The following EVA1C variants were observed in gnomAD, a reference collection of about 807,000 sequenced individuals.
EVA1C encodes the protein protein eva-1 homolog C.
Under a neutral mutation model 45.4 loss-of-function variants are expected in EVA1C, and 25 were observed. The ratio of observed to expected loss-of-function variants is 0.55; its 90% CI spans 0.40 to 0.77. EVA1C has a LOEUF of 0.77. EVA1C is among the 30% of genes least tolerant of loss of function. The pLI, the probability that EVA1C is intolerant of heterozygous loss-of-function variation, is 0.00. For missense variants in EVA1C, 479 were observed against 554.8 expected (o/e 0.86, Z 1.37); for synonymous variants, 190 against 221.2 (o/e 0.86, Z 1.25).
intron 7 of EVA1C, among the ~76,000 whole-genome samples, chr21:32,505,768 G>A (rs1444015705): frequency 6.6e-6 from 1 of 152,190 alleles, no homozygotes; most frequent in Non-Finnish European, 1.5e-5. Flanking sequence ...GACAGAGACA[G>A]AGACATCTCT....
intron 2 of EVA1C, among the ~76,000 whole-genome samples, chr21:32,455,865 G>A (rs1250095410): frequency 6.6e-6 from 1 of 152,084 alleles, no homozygotes; most frequent in Non-Finnish European, 1.5e-5. Context: ...TTCAACCAGA[G>A]GTCAAGAAGT....
At chr21:32,489,379 G>A (rs2037080365) in intron 4 of EVA1C, among the ~76,000 whole-genome samples, 1 of 152,068 alleles carries the variant, frequency 6.6e-6, no homozygotes, top group African/African-American at 2.4e-5. Context: ...ATGTCTTCTT[G>A]GCCCCCTTGT....
chr21:32,473,760 C>T (rs914910542), intron 4 of EVA1C, among the ~76,000 whole-genome samples: 1 of 152,162 alleles, frequency 6.6e-6, no homozygotes, highest in African/African-American at 2.4e-5. Context: ...TGCAGTGATG[C>T]ACCAAGTGCA....
At position 32,412,953 on chromosome 21, in the gene EVA1C, C is replaced by T. The variant is rs1448098602; in HGVS notation, c.100C>T (p.Leu34Phe). The T allele has an allele frequency of 1.9e-6, 3 of 1,559,758 alleles. No individual in the cohort carries two copies. Among genetic ancestry groups the T allele is most frequent in the African/African-American group, 1.4e-5 (1 of 71,008 alleles). The change falls in exon 1 of 8, where the codon CTC (leucine) becomes TTC (phenylalanine). Residue 34 changes from leucine (L) to phenylalanine (F), a missense_variant. Physicochemically the swap from Leu to Phe is conservative, Grantham distance 22 (BLOSUM62 0). Around this residue, in one of 3 missense-constraint regions of EVA1C, gnomAD observed 80 missense variants for 63.8 expected, o/e 1.25. Transcript: ENST00000300255. ...AGAGCCGCCGGGGCAGCTCCTGCGC[C>T]TCTTCTACTGCACTGTCCTGGTCTG... ...QVEPPGQLLR[L>F]FYCTVLVCSK...
At chr21:32,491,254 G>C (rs2037143263) in intron 4 of EVA1C, among the ~76,000 whole-genome samples, 1 of 152,158 alleles carries the variant, frequency 6.6e-6, no homozygotes. Context: ...CACAGGCTGG[G>C]GTGGGAGAAT....
chr21:32,423,407 A>G (rs998721926), intron 1 of EVA1C, among the ~76,000 whole-genome samples: 1 of 152,134 alleles, frequency 6.6e-6, no homozygotes, highest in Admixed American at 6.6e-5. Context: ...ATGCTGTGCT[A>G]GATATGGTAC....
In EVA1C at chr21:32,495,812, A is replaced by T. The variant is rs78224937; in HGVS notation, c.778+642A>T. Reference sequence around the variant, plus strand: ...TTATTATTTTCTGAGGATACTGTGGATTTCCAGTGTGTAATCCTAATGTGT... The same window carrying T: ...TTATTATTTTCTGAGGATACTGTGGTTTTCCAGTGTGTAATCCTAATGTGT... On this transcript the variant is annotated intron_variant, in intron 5 of 7. Transcript: ENST00000300255. Among the ~76,000 whole-genome samples the T allele has an allele frequency of 7.7e-3, 1,176 of 152,318 alleles. 14 individuals carry two copies. The highest frequency in any genetic ancestry group is 0.027 in the African/African-American group (1,134 of 41,570).
intron 1 of EVA1C, among the ~76,000 whole-genome samples, chr21:32,448,273 G>A (rs1198271937): frequency 6.6e-6 from 1 of 152,190 alleles, no homozygotes. Flanking sequence ...AAGGCATTCC[G>A]CACCCGCTTG....
intron 4 of EVA1C, chr21:32,493,830 T>C (rs1285367462): frequency 6.6e-6 from 1 of 151,746 alleles, no homozygotes; most frequent in East Asian, 1.9e-4. Flanking sequence ...GACGCAGTCT[T>C]GCTTGGTCGC....
chr21:32,466,867 C>T (rs971471808), intron 3 of EVA1C, among the ~76,000 whole-genome samples: 1 of 151,442 alleles, frequency 6.6e-6, no homozygotes, highest in Non-Finnish European at 1.5e-5. Context: ...TGCTATGTTT[C>T]CCAGGCTGGT....
chr21:32,425,015 A>G (rs1436125923), intron 1 of EVA1C, among the ~76,000 whole-genome samples: 1 of 151,888 alleles, frequency 6.6e-6, no homozygotes, highest in African/African-American at 2.4e-5. Context: ...GCTAATTTTT[A>G]AAAGTATTTT....
intron 4 of EVA1C, among the ~76,000 whole-genome samples, chr21:32,475,878 TTTATCTATCTATC>T (rs1255266338): frequency 0.016 from 2,441 of 148,080 alleles, 38 homozygotes; most frequent in Admixed American, 0.04. Flanking sequence ...TTCTAAAAAC[TTTATCTATCTATC>T]TATCTATCTA....
intron 1 of EVA1C, among the ~76,000 whole-genome samples, chr21:32,434,374 G>A (rs1431935763): frequency 6.6e-6 from 1 of 151,010 alleles, no homozygotes; most frequent in South Asian, 2.1e-4. Flanking sequence ...GGCGGATCAC[G>A]AGGTCAGGAG....
chr21:32,437,974 G>A (rs1367268412), intron 1 of EVA1C, among the ~76,000 whole-genome samples: 1 of 152,116 alleles, frequency 6.6e-6, no homozygotes, highest in African/African-American at 2.4e-5. Context: ...ACACCGCACG[G>A]CCCCCGGTCT....
chr21:32,482,479 A>C (rs752480738), intron 4 of EVA1C, among the ~76,000 whole-genome samples: 1 of 152,188 alleles, frequency 6.6e-6, no homozygotes, highest in Non-Finnish European at 1.5e-5. Context: ...TGAGTAGAAG[A>C]GTTTCCCTGA....
At chr21:32,447,941 G>C (rs1263574693) in intron 1 of EVA1C, among the ~76,000 whole-genome samples, 1 of 152,114 alleles carries the variant, frequency 6.6e-6, no homozygotes, top group African/African-American at 2.4e-5. Context: ...TCATTCTCAG[G>C]TGATCCGCCT....
intron 1 of EVA1C, among the ~76,000 whole-genome samples, chr21:32,420,990 A>G (rs1334311687): frequency 6.6e-6 from 1 of 152,240 alleles, no homozygotes; most frequent in Non-Finnish European, 1.5e-5. Flanking sequence ...TTACATAAGT[A>G]ATGTCCATTC....
intron 1 of EVA1C, among the ~76,000 whole-genome samples, chr21:32,417,708 T>A (rs1351569445): frequency 6.6e-6 from 1 of 152,128 alleles, no homozygotes; most frequent in Non-Finnish European, 1.5e-5. Flanking sequence ...GGGAACTCAG[T>A]ATTGATGGAC....
chr21:32,477,711 ACGCCCT>A (rs2036617616), intron 4 of EVA1C, among the ~76,000 whole-genome samples: 1 of 64,226 alleles, frequency 1.6e-5, no homozygotes, highest in African/African-American at 6.2e-5. Flanking sequence ...CCTCCCCCGT[ACGCCCT>A]CACCTCCCCC....
Sources: gnomAD v4.1 joint callset for allele counts (sites outside exome capture counted in the v4.1 genomes callset) on GRCh38, gnomAD v4.1.1 for gene constraint, gnomAD v4.1.1 regional missense constraint, MANE v1.5 for transcripts, NCBI Gene and HGNC (gene_info 2026-07-23, HGNC 2026-07-21) for gene names.